The following CSMD2 variants were observed in gnomAD, a reference collection of about 807,000 sequenced individuals.
CSMD2 encodes CUB and Sushi multiple domains 2.
Under a neutral mutation model 398.5 loss-of-function variants are expected in CSMD2, and 130 were observed. The ratio of observed to expected loss-of-function variants is 0.33; its 90% CI spans 0.28 to 0.38. The LOEUF is 0.38. Among genes scored for constraint, CSMD2 ranks in the 10% least tolerant of loss-of-function variants. The pLI, the probability that CSMD2 is intolerant of heterozygous loss-of-function variation, is 1.00. For missense variants in CSMD2, 3,829 were observed against 4,764.9 expected (o/e 0.80, Z 5.78); for synonymous variants, 1,828 against 1,908.5 (o/e 0.96, Z 1.10).
intron 5 of CSMD2, among the ~76,000 whole-genome samples, chr1:33,888,818 A>G (rs1259162469): frequency 6.6e-6 from 1 of 151,040 alleles, no homozygotes; most frequent in Non-Finnish European, 1.5e-5. Context: ...CCCAGGCTGG[A>G]GTGCAGTGGC....
intron 2 of CSMD2, among the ~76,000 whole-genome samples, chr1:34,081,314 C>T (rs556425447): frequency 6.6e-6 from 1 of 152,278 alleles, no homozygotes; most frequent in South Asian, 2.1e-4. Flanking sequence ...CTTGGACTGT[C>T]CTCTAAGGTC....
At chr1:33,584,952 T>C (rs975104131) in intron 46 of CSMD2, among the ~76,000 whole-genome samples, 1 of 152,062 alleles carries the variant, frequency 6.6e-6, no homozygotes, top group African/African-American at 2.4e-5. Flanking sequence ...AAGCTGCTGG[T>C]TCAGAGAGGC....
At chr1:34,094,479 T>G (rs1659033956) in intron 1 of CSMD2, among the ~76,000 whole-genome samples, 1 of 151,798 alleles carries the variant, frequency 6.6e-6, no homozygotes, top group Non-Finnish European at 1.5e-5. Flanking sequence ...GGATAAAGAG[T>G]CAAGACCCAT....
intron 4 of CSMD2, among the ~76,000 whole-genome samples, chr1:33,927,898 C>A (rs1016074210): frequency 5.3e-5 from 8 of 152,138 alleles, no homozygotes; most frequent in African/African-American, 1.9e-4. Context: ...TAGTTTCCAG[C>A]CCCCACCCTG....
At chr1:33,777,889 C>G (rs1489620566) in intron 12 of CSMD2, among the ~76,000 whole-genome samples, 1 of 152,142 alleles carries the variant, frequency 6.6e-6, no homozygotes, top group Non-Finnish European at 1.5e-5. Context: ...AATGTCTGTA[C>G]AGAAGGGACT....
chr1:33,767,698 G>A (rs1270843018), intron 13 of CSMD2, among the ~76,000 whole-genome samples: 1 of 152,156 alleles, frequency 6.6e-6, no homozygotes, highest in Non-Finnish European at 1.5e-5. Context: ...ATTGTATGTT[G>A]GGGGTATACA....
intron 41 of CSMD2, among the ~76,000 whole-genome samples, chr1:33,610,500 T>C (rs1640922505): frequency 6.6e-6 from 1 of 152,104 alleles, no homozygotes. Context: ...TGTCCCAGAA[T>C]GAGTGGGGCC....
Position 33,624,424 on chromosome 1 carries a change from C to T in CSMD2, c.5625+95G>A. The T allele has an allele frequency of 1.3e-6, 2 of 1,505,274 alleles. No homozygotes were observed. Among genetic ancestry groups the T allele is most frequent in the Non-Finnish European group, 1.8e-6 (2 of 1,107,312 alleles). The allele number at this position is 1,505,274 out of a possible 1,614,324, so 93.2% of individuals were successfully genotyped here. A position where few individuals can be genotyped will look rare whatever the true frequency, so the allele number is the denominator to read the frequency against. On this transcript the variant is annotated intron_variant, in intron 35 of 70. Transcript: ENST00000373381. This position sits in a 1 kb window ranked among gnomAD's most constrained non-coding sequence, Gnocchi z 4.7. ...TCTTCCTGGCTCACCCTGACTCAGG[C>T]CTTGGCACCAGCCAGCACCTGTGGT... is the stretch of plus-strand genomic sequence containing the variant.
At chr1:33,735,014 C>T (rs1557812192) in intron 15 of CSMD2, among the ~76,000 whole-genome samples, 1 of 152,134 alleles carries the variant, frequency 6.6e-6, no homozygotes, top group Admixed American at 6.5e-5. Context: ...GTCCTGTCTT[C>T]TTTGTCTTAT....
intron 5 of CSMD2, among the ~76,000 whole-genome samples, chr1:33,916,063 C>A (rs1325560513): frequency 2.0e-5 from 3 of 152,140 alleles, no homozygotes; most frequent in Non-Finnish European, 4.4e-5. Context: ...AGCTTATAAC[C>A]TGTCTGGCAC....
intron 22 of CSMD2, among the ~76,000 whole-genome samples, chr1:33,706,735 G>A (rs960534166): frequency 3.9e-5 from 6 of 152,126 alleles, no homozygotes; most frequent in Non-Finnish European, 7.4e-5. Context: ...AGAGGCCGTA[G>A]CAGGAGCATT....
intron 25 of CSMD2, among the ~76,000 whole-genome samples, chr1:33,672,070 G>A (rs1006610526): frequency 1.7e-4 from 26 of 152,190 alleles, no homozygotes; most frequent in African/African-American, 5.6e-4. Context: ...TGCAGAAGAC[G>A]GGTGATTTCT....
At chr1:33,973,761 G>A (rs506714) in intron 3 of CSMD2, among the ~76,000 whole-genome samples, 1 of 152,008 alleles carries the variant, frequency 6.6e-6, no homozygotes, top group South Asian at 2.1e-4. Context: ...TGCCTGAGCA[G>A]GGACAGGCTC....
intron 3 of CSMD2, among the ~76,000 whole-genome samples, chr1:33,939,548 CTAA>C (rs1432861563): frequency 5.9e-5 from 9 of 152,296 alleles, no homozygotes; most frequent in Admixed American, 3.9e-4. Context: ...AATTAAATTA[CTAA>C]TGTCAAATTT....
At chr1:33,941,929 C>A (rs1245018794) in intron 3 of CSMD2, among the ~76,000 whole-genome samples, 1 of 151,924 alleles carries the variant, frequency 6.6e-6, no homozygotes, top group African/African-American at 2.4e-5. Flanking sequence ...TTGCTTGATA[C>A]ATCCATCTGT....
At chr1:33,675,114 A>G (rs573368982) in intron 25 of CSMD2, among the ~76,000 whole-genome samples, 2 of 152,336 alleles carry the variant, frequency 1.3e-5, no homozygotes, top group Non-Finnish European at 2.9e-5. Context: ...AGATCAGGGC[A>G]GAACTGAAGG....
At chr1:33,787,274 C>T (rs908651839) in intron 12 of CSMD2, among the ~76,000 whole-genome samples, 1 of 152,178 alleles carries the variant, frequency 6.6e-6, no homozygotes, top group South Asian at 2.1e-4. Flanking sequence ...TTGTGTGAAG[C>T]CAGCCAGCCC....
chr1:33,558,149 T>C (rs915108), intron 54 of CSMD2, among the ~76,000 whole-genome samples: 120,172 of 152,084 alleles, frequency 0.79, 47,592 homozygotes, highest in South Asian at 0.9. Flanking sequence ...TTGATTACTC[T>C]CTTTCTGGTA....
chr1:33,942,220 G>A (rs962286767), intron 3 of CSMD2, among the ~76,000 whole-genome samples: 1 of 152,212 alleles, frequency 6.6e-6, no homozygotes, highest in Non-Finnish European at 1.5e-5. Context: ...GCAGAGGCAG[G>A]TTTTCACATC....
Sources: gnomAD v4.1 joint callset for allele counts (sites outside exome capture counted in the v4.1 genomes callset) on GRCh38, gnomAD v4.1.1 for gene constraint, Gnocchi (gnomAD v3.1) non-coding constraint, MANE v1.5 for transcripts, NCBI Gene and HGNC (gene_info 2026-07-23, HGNC 2026-07-21) for gene names.